The following IL1RAP variants were observed in gnomAD, a reference collection of about 807,000 sequenced individuals.
IL1RAP encodes the protein interleukin 1 receptor accessory protein, also known as interleukin-1 receptor accessory protein.
A neutral mutation model predicts 60.7 loss-of-function variants in IL1RAP; 35 were observed. That is an observed-to-expected ratio of 0.58 (90% CI 0.44 to 0.76). The LOEUF (loss-of-function observed/expected upper bound fraction) is 0.76, where lower values mean the gene tolerates loss of function less well. Among genes scored for constraint, IL1RAP ranks in the 30% least tolerant of loss-of-function variants. IL1RAP has a pLI of 0.00. For synonymous variants in IL1RAP, 268 were observed against 250.9 expected, an observed-to-expected ratio of 1.07 and a Z score of -0.64; for missense variants, 572 against 693.9, an observed-to-expected ratio of 0.82 and a Z score of 1.97.
intron 3 of IL1RAP, among the ~76,000 whole-genome samples, chr3:190,578,228 T>A (rs1727672097): frequency 6.6e-6 from 1 of 152,220 alleles, no homozygotes. Flanking sequence ...ATTGTCTGAC[T>A]GTATTTCAAT....
At chr3:190,543,783 G>C (rs990919511) in intron 1 of IL1RAP, among the ~76,000 whole-genome samples, 3 of 152,180 alleles carry the variant, frequency 2.0e-5, no homozygotes, top group Admixed American at 6.5e-5. Flanking sequence ...GTTGGAAAGA[G>C]AGCTTGCTGC....
At chr3:190,555,972 C>CTATCTA in intron 1 of IL1RAP, 158 bp from the exon 2 acceptor site, 1 of 151,144 alleles carries the variant, frequency 6.6e-6, no homozygotes, top group South Asian at 2.1e-4. Flanking sequence ...ATCTATCTAT[C>CTATCTA]TATCTTCTAT....
chr3:190,516,536 T>C (rs997729945), intron 1 of IL1RAP, among the ~76,000 whole-genome samples: 1 of 152,214 alleles, frequency 6.6e-6, no homozygotes, highest in African/African-American at 2.4e-5. Flanking sequence ...AAGTGCATTC[T>C]GTATATATGA....
At chr3:190,611,662 C>T (rs9821002) in intron 5 of IL1RAP, among the ~76,000 whole-genome samples, 9 of 152,088 alleles carry the variant, frequency 5.9e-5, no homozygotes, top group African/African-American at 1.9e-4. Context: ...TGGGCCGTGA[C>T]GAAGGCCTTC....
At chr3:190,515,299 G>C (rs186756590) in intron 1 of IL1RAP, among the ~76,000 whole-genome samples, 104 of 151,744 alleles carry the variant, frequency 6.9e-4, no homozygotes, top group African/African-American at 2.4e-3. Context: ...TGGGTAGTTG[G>C]AAGGATGAAA....
chr3:190,651,443 G>A lies in IL1RAP; in HGVS notation c.*2738G>A, dbSNP rs1160643873. 3.4e-6 allele frequency: 2 copies of A among 584,868 alleles called. No homozygotes were observed. Among genetic ancestry groups the A allele is most frequent in the African/African-American group, 2.0e-5 (1 of 49,428 alleles). 36.2% of individuals were successfully genotyped at this position (584,868 alleles called of 1,614,324 possible). ...TTTTTTATTTCATTCATGAACTTTTGTATTTTTCATTTTTCATTTGATTTG... is the reference window on the plus strand; with the variant it reads ...TTTTTTATTTCATTCATGAACTTTTATATTTTTCATTTTTCATTTGATTTG... On this transcript the variant is annotated 3_prime_UTR_variant, in exon 12 of 12. Transcript: ENST00000447382.
At position 190,648,958 on chromosome 3, in the gene IL1RAP, A is replaced by G. The variant is rs77536180; in HGVS notation, c.*253A>G. On this transcript the variant is annotated 3_prime_UTR_variant, in exon 12 of 12. Transcript: ENST00000447382. ...TTCTTTGCAGGCAAAGACTTGTTCA[A>G]TGCGAATTTCCCCTTCTACATTGTC... The G allele has an allele frequency of 2.9e-5, 35 of 1,216,160 alleles. No homozygotes were observed. The highest frequency in any genetic ancestry group is 7.7e-5 in the East Asian group (2 of 25,988). The allele number at this position is 1,216,160 out of a possible 1,614,324, so 75.3% of individuals were successfully genotyped here.
At chr3:190,534,643 A>G (rs934168291) in intron 1 of IL1RAP, among the ~76,000 whole-genome samples, 3 of 152,150 alleles carry the variant, frequency 2.0e-5, no homozygotes, top group African/African-American at 2.4e-5. Flanking sequence ...CTGTTCAGAC[A>G]TGACTCTTTT....
chr3:190,527,469 G>A (rs1411275506), intron 1 of IL1RAP, among the ~76,000 whole-genome samples: 2 of 152,092 alleles, frequency 1.3e-5, no homozygotes, highest in Non-Finnish European at 2.9e-5. Flanking sequence ...ATTTTGCAGC[G>A]TTGCAACACC....
At chr3:190,548,043 G>A (rs907813925) in intron 1 of IL1RAP, among the ~76,000 whole-genome samples, 2 of 152,096 alleles carry the variant, frequency 1.3e-5, no homozygotes, top group African/African-American at 4.8e-5. Flanking sequence ...AGAATTGGGG[G>A]AATGATACTA....
intron 4 of IL1RAP, among the ~76,000 whole-genome samples, chr3:190,608,332 A>T (rs927528657): frequency 2.0e-5 from 3 of 152,170 alleles, no homozygotes; most frequent in Non-Finnish European, 2.9e-5. Flanking sequence ...ATTATCACAC[A>T]GTGGTAAGGA....
At chr3:190,534,304 G>A (rs901344900) in intron 1 of IL1RAP, among the ~76,000 whole-genome samples, 2 of 151,300 alleles carry the variant, frequency 1.3e-5, no homozygotes, top group African/African-American at 4.9e-5. Context: ...GTTACAGCTC[G>A]GTATGCTTTG....
At chr3:190,554,347 G>A (rs1725207793) in intron 1 of IL1RAP, among the ~76,000 whole-genome samples, 1 of 152,086 alleles carries the variant, frequency 6.6e-6, no homozygotes, top group African/African-American at 2.4e-5. Flanking sequence ...TTGAAACCCT[G>A]GTTACTACCC....
At chr3:190,570,135 G>A (rs958347275) in intron 3 of IL1RAP, among the ~76,000 whole-genome samples, 2 of 152,168 alleles carry the variant, frequency 1.3e-5, no homozygotes, top group African/African-American at 2.4e-5. Context: ...AATCCACTGA[G>A]TGCTGCCATC....
chr3:190,635,403 A>T (rs1733142235), intron 9 of IL1RAP, among the ~76,000 whole-genome samples: 1 of 151,642 alleles, frequency 6.6e-6, no homozygotes, highest in Non-Finnish European at 1.5e-5. Flanking sequence ...TTTGCACTTC[A>T]TTTTCTTTTT....
intron 4 of IL1RAP, 77 bp from the exon 5 acceptor site, chr3:190,608,918 C>A: frequency 8.9e-7 from 1 of 1,128,260 alleles, no homozygotes; most frequent in Non-Finnish European, 1.3e-6. Context: ...CCTGGCTTCA[C>A]TTAGTTCATT....
rs77487770 is a variant in IL1RAP, at chr3:190,524,408, T to C, written c.-89+10189T>C. On this transcript the variant is annotated intron_variant, in intron 1 of 11. Coordinates refer to ENST00000447382, the MANE Select transcript of IL1RAP (RefSeq NM_002182.4). ...GTTGCAACTGCTTTTCGTGTCTTCA[T>C]TATGAAAAATCTTTGCCCATTCCTA... is the stretch of plus-strand genomic sequence containing the variant. Among the ~76,000 whole-genome samples the C allele has an allele frequency of 8.6e-3, 1,304 of 152,264 alleles. 13 individuals carry two copies. The highest frequency in any genetic ancestry group is 0.03 in the African/African-American group (1,237 of 41,552).
chr3:190,611,870 C>G (rs1730852572), intron 5 of IL1RAP, among the ~76,000 whole-genome samples: 1 of 151,952 alleles, frequency 6.6e-6, no homozygotes, highest in Non-Finnish European at 1.5e-5. Flanking sequence ...GATGCAGAGA[C>G]TGATTTAAGA....
chr3:190,515,791 C>T (rs564660093), intron 1 of IL1RAP, among the ~76,000 whole-genome samples: 24 of 151,082 alleles, frequency 1.6e-4, no homozygotes, highest in African/African-American at 4.6e-4. Flanking sequence ...TTAGGTCAGT[C>T]GAGCAACCTT....
Sources: gnomAD v4.1 joint callset for allele counts (sites outside exome capture counted in the v4.1 genomes callset) on GRCh38, gnomAD v4.1.1 for gene constraint, MANE v1.5 for transcripts, NCBI Gene and HGNC (gene_info 2026-07-23, HGNC 2026-07-21) for gene names.